Variants in LRRC7 observed in about 807,000 individuals in gnomAD.
LRRC7 encodes leucine rich repeat containing 7, also known as leucine-rich repeat-containing protein 7.
In LRRC7, 23 loss-of-function variants were observed where a neutral mutation model predicts 175.7. The ratio of observed to expected loss-of-function variants is 0.13; its 90% CI spans 0.09 to 0.19. LRRC7 has a LOEUF of 0.19. LRRC7 is among the 10% of genes least tolerant of loss of function. LRRC7 has a pLI of 1.00. For missense variants in LRRC7, 1,354 were observed against 1,904.7 expected (o/e 0.71, Z 5.38); for synonymous variants, 685 against 680.9 (o/e 1.01, Z -0.09).
intron 23 of LRRC7, among the ~76,000 whole-genome samples, chr1:70,067,463 C>A: frequency 6.6e-6 from 1 of 152,070 alleles, no homozygotes. Context: ...TATCAGTTCT[C>A]TGCTCTATTT....
intron 2 of LRRC7, among the ~76,000 whole-genome samples, chr1:69,750,334 CAAAG>C (rs148723002): frequency 0.092 from 13,965 of 151,942 alleles, 694 homozygotes; most frequent in Middle Eastern, 0.19. Context: ...GTTACTAACA[CAAAG>C]AAATGATAAA....
intron 11 of LRRC7, among the ~76,000 whole-genome samples, chr1:69,997,428 C>T (rs1390463102): frequency 5.3e-5 from 8 of 149,722 alleles, no homozygotes. Flanking sequence ...CCAGAACTTC[C>T]AACACTATGT....
rs552339258 is a variant in LRRC7, at chr1:69,871,344, C to T, written c.647+33061C>T. On this transcript the variant is annotated intron_variant, in intron 7 of 26. Coordinates refer to ENST00000651989, the MANE Select transcript of LRRC7 (RefSeq NM_001370785.2). ...TTTTATTTTTGAATAATCTATATGC[C>T]CTATGAGAAGATCAAATGATATGGC... Among the ~76,000 whole-genome samples the T allele has an allele frequency of 2.6e-5, 4 of 151,816 alleles. No individual in the cohort carries two copies. The South Asian group carries it at 8.3e-4, about 32-fold the overall frequency.
chr1:69,771,187 A>G (rs1343535006), intron 3 of LRRC7, among the ~76,000 whole-genome samples: 1 of 152,170 alleles, frequency 6.6e-6, no homozygotes, highest in Non-Finnish European at 1.5e-5. Flanking sequence ...TGGCATTTAA[A>G]TGAATGCCAT....
chr1:70,043,756 A>G (rs1660109101), intron 21 of LRRC7, among the ~76,000 whole-genome samples, 198 bp from the exon 22 acceptor site: 2 of 152,146 alleles, frequency 1.3e-5, no homozygotes, highest in Admixed American at 6.5e-5. Context: ...TCTTTTCTGT[A>G]GTTTTGGATG....
intron 8 of LRRC7, among the ~76,000 whole-genome samples, chr1:69,961,607 A>G (rs1217024379): frequency 1.3e-5 from 2 of 152,196 alleles, no homozygotes; most frequent in Non-Finnish European, 2.9e-5. Context: ...ACAGTAACCA[A>G]AACAGCATGG....
chr1:69,584,083 T>C (rs1400021782), intron 1 of LRRC7, among the ~76,000 whole-genome samples: 3 of 152,164 alleles, frequency 2.0e-5, no homozygotes, highest in Non-Finnish European at 2.9e-5. Flanking sequence ...TACTTGTCAA[T>C]GCTTGGAATC....
intron 7 of LRRC7, among the ~76,000 whole-genome samples, chr1:69,870,970 A>G (rs757706451): frequency 6.6e-6 from 1 of 152,154 alleles, no homozygotes; most frequent in South Asian, 2.1e-4. Flanking sequence ...CAACAATTAT[A>G]TGATGTAAAT....
At chr1:69,570,505 G>A (rs1030657112) in intron 1 of LRRC7, among the ~76,000 whole-genome samples, 3 of 149,410 alleles carry the variant, frequency 2.0e-5, no homozygotes, top group African/African-American at 7.4e-5. Flanking sequence ...CGGTGGAAAA[G>A]TTCTCCAGCC....
intron 22 of LRRC7, among the ~76,000 whole-genome samples, chr1:70,044,467 A>G (rs1251390046): frequency 1.3e-5 from 2 of 151,876 alleles, no homozygotes; most frequent in South Asian, 4.2e-4. Context: ...CGTCCTGGTG[A>G]TGCATTCTGA....
At chr1:69,802,372 G>A (rs1201580816) in intron 4 of LRRC7, among the ~76,000 whole-genome samples, 1 of 151,294 alleles carries the variant, frequency 6.6e-6, no homozygotes, top group African/African-American at 2.4e-5. Context: ...GTCTAGTAAT[G>A]TTTGTTTTAT....
intron 7 of LRRC7, among the ~76,000 whole-genome samples, chr1:69,926,610 A>G (rs1647082096): frequency 2.0e-5 from 3 of 150,326 alleles, no homozygotes; most frequent in Admixed American, 6.7e-5. Flanking sequence ...AGTCTGTTTT[A>G]TCAGAGACTA....
intron 4 of LRRC7, among the ~76,000 whole-genome samples, chr1:69,819,660 T>C (rs1054447490): frequency 1.3e-5 from 2 of 150,550 alleles, no homozygotes; most frequent in Non-Finnish European, 3.0e-5. Flanking sequence ...TCGAAGTCCC[T>C]ACTATTATTA....
At chr1:70,063,653 G>A (rs755582451) in intron 23 of LRRC7, among the ~76,000 whole-genome samples, 3 of 152,006 alleles carry the variant, frequency 2.0e-5, no homozygotes, top group Non-Finnish European at 4.4e-5. Flanking sequence ...CTAGCTGTAG[G>A]TTCTTAGAAA....
chr1:69,972,720 A>G (rs1286957657), intron 8 of LRRC7, among the ~76,000 whole-genome samples: 1 of 151,954 alleles, frequency 6.6e-6, no homozygotes, highest in Non-Finnish European at 1.5e-5. Context: ...TGATTCCTTA[A>G]AGAGCTAAAA....
At chr1:69,893,518 AT>A (rs1645895774) in intron 7 of LRRC7, among the ~76,000 whole-genome samples, 1 of 152,128 alleles carries the variant, frequency 6.6e-6, no homozygotes, top group Non-Finnish European at 1.5e-5. Context: ...TACATTCTAT[AT>A]TTTTTTCTTG....
chr1:70,060,740 G>A (rs150707344), intron 23 of LRRC7, among the ~76,000 whole-genome samples: 510 of 152,256 alleles, frequency 3.3e-3, no homozygotes, highest in Non-Finnish European at 5.6e-3. Flanking sequence ...TCTTATTTCC[G>A]TTAACCTCAA....
intron 1 of LRRC7, among the ~76,000 whole-genome samples, chr1:69,677,932 G>A (rs1660000951): frequency 1.3e-5 from 2 of 151,846 alleles, no homozygotes; most frequent in Admixed American, 6.6e-5. Flanking sequence ...CCCACATGGT[G>A]GAGAGAGAGA....
At chr1:69,902,206 C>T (rs1005774428) in intron 7 of LRRC7, among the ~76,000 whole-genome samples, 2 of 152,112 alleles carry the variant, frequency 1.3e-5, no homozygotes, top group African/African-American at 4.8e-5. Context: ...TGCCTGGAAT[C>T]TAATACATAC....
Sources: allele counts gnomAD v4.1 joint callset (sites outside exome capture counted in the v4.1 genomes callset), GRCh38; gene constraint gnomAD v4.1.1; transcripts MANE v1.5; gene names NCBI Gene and HGNC (gene_info 2026-07-23, HGNC 2026-07-21).